HTR2A: variants seen among roughly 807,000 people sequenced by gnomAD.
HTR2A encodes 5-hydroxytryptamine receptor 2A.
Under a neutral mutation model 31.0 loss-of-function variants are expected in HTR2A, and 14 were observed. The ratio of observed to expected loss-of-function variants is 0.45; its 90% CI spans 0.30 to 0.71. The LOEUF (loss-of-function observed/expected upper bound fraction) is 0.71. Ranked by LOEUF, HTR2A falls within the 30% of genes least tolerant of loss-of-function variation. The probability of loss-of-function intolerance (pLI) is 0.09; values close to 1 mark genes in which losing one functional copy is unlikely to be tolerated. For missense variants in HTR2A, 442 were observed against 573.3 expected (o/e 0.77, Z 2.34); for synonymous variants, 209 against 225.2 (o/e 0.93, Z 0.64).
In HTR2A at chr13:46,835,601, C is replaced by A; in HGVS notation, c.652G>T (p.Asp218Tyr). The A allele has an allele frequency of 1.2e-6, 2 of 1,613,780 alleles. No individual in the cohort carries two copies. Among genetic ancestry groups the A allele is most frequent in the Non-Finnish European group, 1.7e-6 (2 of 1,179,842 alleles). ...MPIPVFGLQD[D>Y]SKVFKEGSCL... The stretch of plus-strand genomic sequence containing the variant: ...CTCCCCTCCTTAAAGACCTTCGAAT[C>A]GTCCTGTAGCCCAAAGACTGGTATT... Residue 218 changes from aspartate (D) to tyrosine (Y), a missense_variant, in exon 4 of 4, where the codon GAT becomes TAT. Asp to Tyr is a radical substitution (Grantham distance 160, BLOSUM62 -3). Transcript: ENST00000542664.
chr13:46,848,222 G>C (rs564054909), intron 3 of HTR2A, among the ~76,000 whole-genome samples: 38 of 152,182 alleles, frequency 2.5e-4, no homozygotes, highest in Non-Finnish European at 5.1e-4. Context: ...ACATTGTAGA[G>C]TCATTTCTAT....
chr13:46,849,953 G>A (rs1434186203), intron 3 of HTR2A, among the ~76,000 whole-genome samples: 1 of 152,216 alleles, frequency 6.6e-6, no homozygotes, highest in Non-Finnish European at 1.5e-5. Flanking sequence ...AGCAAATGCA[G>A]AGGCCTTTGG....
At chr13:46,878,698 A>G (rs1350965672) in intron 3 of HTR2A, among the ~76,000 whole-genome samples, 1 of 152,184 alleles carries the variant, frequency 6.6e-6, no homozygotes, top group Non-Finnish European at 1.5e-5. Context: ...GAGGAAGAAG[A>G]CAGATGTGAA....
chr13:46,878,744 G>T (rs1593440794), intron 3 of HTR2A, among the ~76,000 whole-genome samples: 1 of 152,144 alleles, frequency 6.6e-6, no homozygotes, highest in Non-Finnish European at 1.5e-5. Context: ...TTGCATTAAA[G>T]AGTAACACTA....
chr13:46,892,267 T>C (rs1223243733), intron 3 of HTR2A, 123 bp downstream of exon 3: 3 of 909,252 alleles, frequency 3.3e-6, no homozygotes, highest in East Asian at 2.4e-5. Context: ...TTGTAACATA[T>C]CTTGCACCAC....
rs577207963 is a variant in HTR2A, at chr13:46,875,394, T to G, written c.613+16996A>C. ...TGATTGTTACCCTAAAGGTTCTTAT[T>G]GACACAGGCTAATATAAATTGAGCA... is the stretch of plus-strand genomic sequence containing the variant. On this transcript the variant is annotated intron_variant, in intron 3 of 3. Coordinates refer to ENST00000542664, the MANE Select transcript of HTR2A (RefSeq NM_000621.5). Among the ~76,000 whole-genome samples the G allele has an allele frequency of 2.1e-3, 315 of 152,328 alleles. 1 individual carries two copies. The highest frequency in any genetic ancestry group is 0.017 in the South Asian group (82 of 4,826).
intron 3 of HTR2A, among the ~76,000 whole-genome samples, chr13:46,862,484 G>A (rs764671625): frequency 1.2e-4 from 18 of 152,170 alleles, no homozygotes; most frequent in Admixed American, 2.0e-4. Flanking sequence ...AAGTTAGCCA[G>A]GGGGAAATGT....
At chr13:46,880,818 G>A (rs1191605055) in intron 3 of HTR2A, among the ~76,000 whole-genome samples, 1 of 151,834 alleles carries the variant, frequency 6.6e-6, no homozygotes, top group Non-Finnish European at 1.5e-5. Flanking sequence ...CAGCCTGGGT[G>A]ACAGAGGGAG....
At position 46,844,001 on chromosome 13, in the gene HTR2A, C is replaced by T. The variant is rs76226738; in HGVS notation, c.614-8362G>A. 9.9e-3 allele frequency among the ~76,000 whole-genome samples: 1,511 copies of T among 152,226 alleles called. 8 individuals carry two copies. The highest frequency in any genetic ancestry group is 0.014 in the Non-Finnish European group (936 of 68,016). On this transcript the variant is annotated intron_variant, in intron 3 of 3. Transcript: ENST00000542664. Reference sequence around the variant, plus strand: ...AGGCACATCCGCTATATGAAACCTTCCCCAAATTAATTCTCTCTATAATAA... The same window carrying T: ...AGGCACATCCGCTATATGAAACCTTTCCCAAATTAATTCTCTCTATAATAA...
chr13:46,854,351 T>C (rs1445598815), intron 3 of HTR2A: 2 of 152,232 alleles, frequency 1.3e-5, no homozygotes, highest in Non-Finnish European at 2.9e-5. Context: ...ATAAGCAGCA[T>C]TACAAATAGC....
At chr13:46,889,832 C>G (rs1415064578) in intron 3 of HTR2A, among the ~76,000 whole-genome samples, 1 of 152,158 alleles carries the variant, frequency 6.6e-6, no homozygotes, top group Admixed American at 6.5e-5. Context: ...TGCTGAGTCT[C>G]TGTAGGTCCT....
chr13:46,859,251 C>T (rs993178237), intron 3 of HTR2A, among the ~76,000 whole-genome samples: 4 of 152,124 alleles, frequency 2.6e-5, no homozygotes, highest in Non-Finnish European at 4.4e-5. Flanking sequence ...GCTGATTCCT[C>T]TCATTCTTCA....
At chr13:46,842,347 C>T (rs1261027374) in intron 3 of HTR2A, among the ~76,000 whole-genome samples, 2 of 152,132 alleles carry the variant, frequency 1.3e-5, no homozygotes, top group Non-Finnish European at 2.9e-5. Flanking sequence ...TCTCCCATTT[C>T]TATCAAGGGG....
At chr13:46,874,874 A>T (rs1299338596) in intron 3 of HTR2A, among the ~76,000 whole-genome samples, 2 of 152,360 alleles carry the variant, frequency 1.3e-5, no homozygotes, top group Admixed American at 1.3e-4. Flanking sequence ...GCCTGTGCCT[A>T]AGGTGGAAAT....
intron 3 of HTR2A, among the ~76,000 whole-genome samples, chr13:46,845,645 AAAAAAAAAAAAAAAAG>A (rs1260443958): frequency 9.5e-6 from 1 of 104,928 alleles, no homozygotes; most frequent in Non-Finnish European, 2.0e-5. Flanking sequence ...CATCACTCCA[AAAAAAAAAAAAAAAAG>A]AAAAAAAGAC....
At chr13:46,870,318 C>A (rs1158359127) in intron 3 of HTR2A, among the ~76,000 whole-genome samples, 1 of 151,990 alleles carries the variant, frequency 6.6e-6, no homozygotes, top group African/African-American at 2.4e-5. Flanking sequence ...ATGGTCAAGA[C>A]TAGAAACAGA....
intron 3 of HTR2A, among the ~76,000 whole-genome samples, chr13:46,882,909 G>A (rs1950977236): frequency 6.6e-6 from 1 of 152,168 alleles, no homozygotes; most frequent in Non-Finnish European, 1.5e-5. Context: ...AAACCATAAT[G>A]TAGGTTCTGT....
upstream of HTR2A, among the ~76,000 whole-genome samples, chr13:46,897,743 C>T (rs774197693): frequency 4.6e-5 from 7 of 152,224 alleles, no homozygotes; most frequent in Non-Finnish European, 8.8e-5. Flanking sequence ...TTCTGTTCTT[C>T]ACATTCTCCC....
intron 3 of HTR2A, among the ~76,000 whole-genome samples, chr13:46,886,682 A>G (rs534525284): frequency 6.6e-6 from 1 of 152,314 alleles, no homozygotes; most frequent in Admixed American, 6.5e-5. Context: ...AGAGGGTACC[A>G]AGGTAGCCAG....
Sources: allele counts gnomAD v4.1 joint callset (sites outside exome capture counted in the v4.1 genomes callset), GRCh38; gene constraint gnomAD v4.1.1; transcripts MANE v1.5; gene names NCBI Gene and HGNC (gene_info 2026-07-23, HGNC 2026-07-21).